The following MRPS9 variants were observed in gnomAD, a reference collection of about 807,000 sequenced individuals.
MRPS9 encodes small ribosomal subunit protein uS9m.
In MRPS9, 45 loss-of-function variants were observed where a neutral mutation model predicts 59.9. That is an observed-to-expected ratio of 0.75 (90% CI 0.59 to 0.96). MRPS9 has a LOEUF of 0.96. Among genes scored for constraint, MRPS9 ranks in the 40% least tolerant of loss-of-function variants. The probability of loss-of-function intolerance (pLI) is 0.00; values close to 1 mark genes in which losing one functional copy is unlikely to be tolerated. For missense variants in MRPS9, 473 were observed against 481.1 expected, an observed-to-expected ratio of 0.98 and a Z score of 0.16; for synonymous variants, 171 against 166.8, an observed-to-expected ratio of 1.03 and a Z score of -0.19.
At chr2:105,075,197 G>A (rs1393962365) in intron 4 of MRPS9, among the ~76,000 whole-genome samples, 2 of 152,114 alleles carry the variant, frequency 1.3e-5, no homozygotes, top group African/African-American at 2.4e-5. Context: ...GCACTCAGGC[G>A]GTAATGTGAG....
At chr2:105,090,199 G>A (rs924173299) in intron 7 of MRPS9, among the ~76,000 whole-genome samples, 9 of 152,154 alleles carry the variant, frequency 5.9e-5, no homozygotes, top group African/African-American at 2.2e-4. Flanking sequence ...GACCTTATTT[G>A]TGGTCAGGGA....
chr2:105,059,363 T>A (rs1168202999), intron 2 of MRPS9, among the ~76,000 whole-genome samples: 1 of 152,158 alleles, frequency 6.6e-6, no homozygotes, highest in African/African-American at 2.4e-5. Context: ...TTGAGCTGTA[T>A]GGACGTGGAT....
chr2:105,088,633 A>AT (rs1558762350), intron 5 of MRPS9, among the ~76,000 whole-genome samples: 4 of 152,150 alleles, frequency 2.6e-5, no homozygotes, highest in Admixed American at 1.3e-4. Flanking sequence ...ATAAATTACG[A>AT]TTTTTTCTGA....
chr2:105,084,883 A>G (rs1680417711), intron 5 of MRPS9, among the ~76,000 whole-genome samples: 2 of 152,162 alleles, frequency 1.3e-5, no homozygotes, highest in African/African-American at 4.8e-5. Context: ...CAATTAAGAA[A>G]ATTAATTTTT....
In MRPS9 at chr2:105,092,476, A is replaced by G. The variant is rs1173530477; in HGVS notation, c.727A>G (p.Arg243Gly). ...CGAAEEEFVQ[R>G]FRRSVTLESK... ...TGCTGCTGAGGAAGAATTTGTGCAG[A>G]GGTTTCGAAGAAGTGTAACTCTTGA... The change falls in exon 8 of 11, where the codon AGG (arginine) becomes GGG (glycine). Residue 243 changes from arginine (R) to glycine (G), a missense_variant. By Grantham distance (125) the Arg-to-Gly change is moderately radical. Coordinates refer to ENST00000258455, the MANE Select transcript of MRPS9 (RefSeq NM_182640.3). 1.2e-6 allele frequency: 2 copies of G among 1,613,882 alleles called. No homozygotes were observed. The highest frequency in any genetic ancestry group is 2.7e-5 in the African/African-American group (2 of 74,928).
chr2:105,099,598 T>G (rs913136392), intron 10 of MRPS9, 72 bp from the exon 11 acceptor site: 2 of 1,454,036 alleles, frequency 1.4e-6, no homozygotes, highest in Non-Finnish European at 1.9e-6. Context: ...ACCTATAAAT[T>G]TATGAACCTG....
intron 1 of MRPS9, 164 bp downstream of exon 1, chr2:105,038,391 G>GC: frequency 1.2e-6 from 1 of 820,186 alleles, no homozygotes; most frequent in Non-Finnish European, 1.9e-6. Context: ...GGGTATTGGC[G>GC]TGCAGTAGCC....
At chr2:105,077,178 G>C (rs1680228424) in intron 4 of MRPS9, among the ~76,000 whole-genome samples, 1 of 149,586 alleles carries the variant, frequency 6.7e-6, no homozygotes, top group East Asian at 2.0e-4. Context: ...CCAGGAGGTG[G>C]AGGTTGCAGT....
intron 5 of MRPS9, among the ~76,000 whole-genome samples, chr2:105,087,789 C>CCTTTTT (rs1179360687): frequency 6.0e-5 from 6 of 99,860 alleles, no homozygotes; most frequent in Non-Finnish European, 1.1e-4. Context: ...CCCTCCCTCC[C>CCTTTTT]TCCTGCCTTT....
chr2:105,044,874 G>A (rs1679566219), intron 1 of MRPS9, among the ~76,000 whole-genome samples: 1 of 152,190 alleles, frequency 6.6e-6, no homozygotes, highest in South Asian at 2.1e-4. Flanking sequence ...ACTTAACACT[G>A]TCAAGGACAT....
At chr2:105,051,562 A>G (rs867720675) in intron 2 of MRPS9, among the ~76,000 whole-genome samples, 3 of 152,188 alleles carry the variant, frequency 2.0e-5, no homozygotes, top group Non-Finnish European at 4.4e-5. Flanking sequence ...TCAGCTTGTC[A>G]GTTCCTGCAA....
At chr2:105,056,283 T>A (rs1301269920) in intron 2 of MRPS9, among the ~76,000 whole-genome samples, 1 of 152,016 alleles carries the variant, frequency 6.6e-6, no homozygotes, top group African/African-American at 2.4e-5. Context: ...CTAAAATAAA[T>A]TTCAGTCTCC....
rs763562427 is a variant in MRPS9 at position 105,089,955 on chromosome 2, A to T, written c.611A>T (p.Glu204Val). ...GGCAGCAGATGGCTGATTAAGGAGGAACTAGAAGAAATGTTAGTGGAAAAA... is the reference window on the plus strand; with the variant it reads ...GGCAGCAGATGGCTGATTAAGGAGGTACTAGAAGAAATGTTAGTGGAAAAA... Reference protein sequence around the residue: ...VIGSRWLIKEELEEMLVEKLS... With the variant: ...VIGSRWLIKEVLEEMLVEKLS... Residue 204 changes from glutamate to valine, a missense_variant, in exon 7 of 11, where the codon GAA (glutamate) becomes GTA (valine). Physicochemically the swap from Glu to Val is moderately radical, Grantham distance 121. Coordinates refer to ENST00000258455, the MANE Select transcript of MRPS9 (RefSeq NM_182640.3). 7.5e-6 allele frequency: 12 copies of T among 1,610,612 alleles called. No homozygotes were observed. In the South Asian group the frequency reaches 1.3e-4, roughly 18 times the overall value.
chr2:105,073,439 T>C (rs12104434), intron 4 of MRPS9, among the ~76,000 whole-genome samples: 62,323 of 151,926 alleles, frequency 0.41, 12,813 homozygotes, highest in East Asian at 0.45. Context: ...ATTAGTAAAA[T>C]TTTTTTGTTG....
intron 10 of MRPS9, chr2:105,099,210 G>C (rs1358773222): frequency 1.3e-5 from 2 of 152,724 alleles, no homozygotes; most frequent in African/African-American, 4.8e-5. Context: ...CATGTAAACT[G>C]TTAATAGATG....
At position 105,081,775 on chromosome 2, in the gene MRPS9, A is replaced by T. The variant is rs369188084; in HGVS notation, c.489+1713A>T. 3.3e-5 allele frequency among the ~76,000 whole-genome samples: 5 copies of T among 152,328 alleles called. 1 individual carries two copies. The highest frequency in any genetic ancestry group is 3.9e-4 in the East Asian group (2 of 5,188). On this transcript the variant is annotated intron_variant, in intron 5 of 10. Coordinates refer to ENST00000258455, the MANE Select transcript of MRPS9 (RefSeq NM_182640.3). ...GTTTTTGAGTAATTTAAGTTTTGTT[A>T]CGTATCTATAGAAGAGTCCTTTGGG...
intron 2 of MRPS9, among the ~76,000 whole-genome samples, chr2:105,060,364 C>G (rs1056325171): frequency 1.3e-5 from 2 of 152,200 alleles, no homozygotes; most frequent in African/African-American, 2.4e-5. Context: ...TCACTGCAGC[C>G]TCCGCCTCCT....
intron 2 of MRPS9, among the ~76,000 whole-genome samples, chr2:105,068,923 A>G (rs1680053082): frequency 6.6e-6 from 1 of 152,114 alleles, no homozygotes; most frequent in African/African-American, 2.4e-5. Context: ...GTTCTTTTGT[A>G]TTCATAGGGG....
Position 105,054,356 on chromosome 2 carries a change from C to T in MRPS9, c.315+5006C>T, listed in dbSNP as rs575532045. On this transcript the variant is annotated intron_variant, in intron 2 of 10. Transcript: ENST00000258455. ...GTGCTGGGGAGAATCATCTGAAACA[C>T]TGTTGGGTACATTGATTTATCACTG... Among the ~76,000 whole-genome samples the T allele has an allele frequency of 2.0e-5, 3 of 152,320 alleles. No individual in the cohort carries two copies. The South Asian group carries it at 6.2e-4, about 32-fold the overall frequency.
Sources: allele counts gnomAD v4.1 joint callset (sites outside exome capture counted in the v4.1 genomes callset), GRCh38; gene constraint gnomAD v4.1.1; transcripts MANE v1.5; gene names NCBI Gene and HGNC (gene_info 2026-07-23, HGNC 2026-07-21).